The following FBN1 variants were observed in gnomAD, a reference collection of about 807,000 sequenced individuals.
FBN1 encodes the protein fibrillin 1.
FBN1 carries 29 observed loss-of-function variants against 365.1 expected under a neutral mutation model. The ratio of observed to expected loss-of-function variants is 0.08; its 90% CI spans 0.06 to 0.11. The LOEUF is 0.11. Ranked by LOEUF, FBN1 falls within the 10% of genes least tolerant of loss-of-function variation. The pLI is 1.00. For missense variants in FBN1, 2,476 were observed against 3,703.2 expected, an observed-to-expected ratio of 0.67 and a Z score of 8.60; for synonymous variants, 1,210 against 1,270.5, an observed-to-expected ratio of 0.95 and a Z score of 1.01.
intron 15 of FBN1, 71 bp downstream of exon 15, chr15:48,508,511 A>G: frequency 6.3e-7 from 1 of 1,597,754 alleles, no homozygotes; most frequent in Non-Finnish European, 8.6e-7. Context: ...AAAGAAAGGT[A>G]GTACCTCTAA....
rs1411365281 is a variant in FBN1, at chr15:48,490,056, G to T, written c.2877C>A (p.Phe959Leu). ...TGCACTCCTCGTCCTCGTACCTCAG[G>T]AAGCAGGTTTCCAGGCGGATATCTG... ...ICLDIRLETC[F>L]LRYEDEECTL... Residue 959 changes from phenylalanine to leucine, a missense_variant, in exon 25 of 66, where the codon TTC becomes TTA. By Grantham distance (22) the Phe-to-Leu change is conservative. Around this residue, in one of 5 missense-constraint regions of FBN1, gnomAD observed 1,780 missense variants for 2,840.8 expected, o/e 0.63. Coordinates refer to ENST00000316623, the MANE Select transcript of FBN1 (RefSeq NM_000138.5). The T allele has an allele frequency of 1.9e-6, 3 of 1,614,156 alleles. No homozygotes were observed. The Admixed American group carries it at 5.0e-5, about 27-fold the overall frequency.
intron 49 of FBN1, among the ~76,000 whole-genome samples, chr15:48,443,838 G>A (rs533658384): frequency 6.6e-6 from 1 of 152,216 alleles, no homozygotes; most frequent in Non-Finnish European, 1.5e-5. Context: ...TTTGAGGCCA[G>A]CCTGGCAACA....
chr15:48,639,895 A>G (rs1158135484), intron 2 of FBN1, among the ~76,000 whole-genome samples: 1 of 152,236 alleles, frequency 6.6e-6, no homozygotes, highest in Non-Finnish European at 1.5e-5. Context: ...TTTCACATTG[A>G]AAATAAAGCT....
At chr15:48,418,674 TG>T (rs758540185) in intron 63 of FBN1, among the ~76,000 whole-genome samples, 1 of 152,242 alleles carries the variant, frequency 6.6e-6, no homozygotes, top group South Asian at 2.1e-4. Flanking sequence ...TTCTTCCAGT[TG>T]GTACTTAGAT....
At chr15:48,418,013 G>C (rs73390294) in intron 63 of FBN1, among the ~76,000 whole-genome samples, 3,760 of 152,290 alleles carry the variant, frequency 0.025, 83 homozygotes, top group East Asian at 0.082. Context: ...GGTATATGAG[G>C]GGGAAGACTT....
intron 6 of FBN1, among the ~76,000 whole-genome samples, chr15:48,572,453 A>G (rs993132170): frequency 6.6e-6 from 1 of 152,088 alleles, no homozygotes; most frequent in African/African-American, 2.4e-5. Context: ...TCACAAAATC[A>G]CTGAAGAAGC....
At position 48,441,764 on chromosome 15, in the gene FBN1, A is replaced by G. The variant is rs193922221; in HGVS notation, c.6120T>C (p.Cys2040=). The change falls in exon 50 of 66, where the codon TGT becomes TGC. Residue 2040 remains cysteine (C), a synonymous_variant. Coordinates refer to ENST00000316623, the MANE Select transcript of FBN1 (RefSeq NM_000138.5). ...SNTEGSFKCL[C]PEGFSLSSSG... is the part of the protein sequence containing the mutation. The stretch of plus-strand genomic sequence containing the variant: ...TGGAGGACAAGGAAAACCCTTCTGG[A>G]CACAGACATTTGAAGCTGCCTTCAG... 6 of 1,613,760 alleles carry G rather than the reference A, an allele frequency of 3.7e-6. No homozygotes were observed. Among genetic ancestry groups the G allele is most frequent in the Non-Finnish European group, 4.2e-6 (5 of 1,179,704 alleles).
intron 6 of FBN1, among the ~76,000 whole-genome samples, chr15:48,564,764 T>C (rs898892947): frequency 1.3e-5 from 2 of 152,108 alleles, no homozygotes; most frequent in Non-Finnish European, 2.9e-5. Context: ...AACCAAACTT[T>C]TAGTGGTTGG....
At chr15:48,423,794 T>C (rs2042959953) in intron 60 of FBN1, among the ~76,000 whole-genome samples, 1 of 152,170 alleles carries the variant, frequency 6.6e-6, no homozygotes, top group Non-Finnish European at 1.5e-5. Context: ...TTTAGTTATA[T>C]ATACCAAGTA....
chr15:48,579,284 A>C (rs959345201), intron 6 of FBN1, among the ~76,000 whole-genome samples: 1 of 152,162 alleles, frequency 6.6e-6, no homozygotes, highest in African/African-American at 2.4e-5. Flanking sequence ...TTGACCCCCC[A>C]AAAAATAAAT....
intron 6 of FBN1, among the ~76,000 whole-genome samples, chr15:48,577,605 A>G (rs761699999): frequency 1.2e-4 from 19 of 152,206 alleles, no homozygotes; most frequent in Non-Finnish European, 2.6e-4. Context: ...ATCAGAAAAC[A>G]GACAGACTGG....
chr15:48,469,118 T>C (rs2043349143), intron 36 of FBN1, among the ~76,000 whole-genome samples: 1 of 124,866 alleles, frequency 8.0e-6, no homozygotes, highest in Admixed American at 7.6e-5. Context: ...ATTACATATA[T>C]ATATAAAATA....
chr15:48,463,289 G>A (rs887289706), intron 41 of FBN1, 49 bp from the exon 42 acceptor site: 3 of 1,564,740 alleles, frequency 1.9e-6, no homozygotes, highest in Admixed American at 3.3e-5. Flanking sequence ...ATGCCATGTG[G>A]GAAATCACAA....
chr15:48,561,036 T>A (rs115528698), intron 6 of FBN1, among the ~76,000 whole-genome samples: 208 of 152,308 alleles, frequency 1.4e-3, no homozygotes, highest in African/African-American at 4.5e-3. Context: ...ATCAGTATTA[T>A]TACAGACTAG....
chr15:48,492,453 G>A lies in FBN1; in HGVS notation c.2854+8C>T. ...TATTATTAGAAAAATAATGAGCTCA[G>A]TATTTACCAAGACAGATCCTTCCTG... On this transcript the variant is annotated splice_region_variant and intron_variant, in intron 24 of 65. Coordinates refer to ENST00000316623, the MANE Select transcript of FBN1 (RefSeq NM_000138.5). 6.2e-7 allele frequency: 1 copy of A among 1,611,694 alleles called. No individual in the cohort carries two copies. Among genetic ancestry groups the A allele is most frequent in the Non-Finnish European group, 8.5e-7 (1 of 1,177,914 alleles).
chr15:48,503,647 G>A (rs1038172357), intron 17 of FBN1, 140 bp downstream of exon 17: 4 of 1,000,402 alleles, frequency 4.0e-6, no homozygotes, highest in Non-Finnish European at 6.3e-6. Context: ...GACACTGGCT[G>A]GCCTCTGCCA....
chr15:48,512,219 T>A (rs932883335), intron 13 of FBN1, among the ~76,000 whole-genome samples: 17 of 152,222 alleles, frequency 1.1e-4, no homozygotes, highest in Non-Finnish European at 2.2e-4. Context: ...AACTTCTATA[T>A]GTCTTCAACT....
chr15:48,612,784 T>C (rs1427766343), intron 3 of FBN1, among the ~76,000 whole-genome samples: 1 of 152,206 alleles, frequency 6.6e-6, no homozygotes, highest in Non-Finnish European at 1.5e-5. Flanking sequence ...ACAACATATG[T>C]AAATGACACA....
intron 45 of FBN1, among the ~76,000 whole-genome samples, chr15:48,449,757 G>GTGTC (rs2043186407): frequency 6.6e-6 from 1 of 152,210 alleles, no homozygotes; most frequent in Non-Finnish European, 1.5e-5. Context: ...AGCAAATGGA[G>GTGTC]TGTCATCTTT....
Sources: gnomAD v4.1 joint callset for allele counts (sites outside exome capture counted in the v4.1 genomes callset) on GRCh38, gnomAD v4.1.1 for gene constraint, gnomAD v4.1.1 regional missense constraint, MANE v1.5 for transcripts, NCBI Gene and HGNC (gene_info 2026-07-23, HGNC 2026-07-21) for gene names.